The following PTPRD variants were observed in gnomAD, a reference collection of about 807,000 sequenced individuals.
PTPRD encodes the protein protein tyrosine phosphatase receptor type D.
Under a neutral mutation model 214.5 loss-of-function variants are expected in PTPRD, and 34 were observed. The ratio of observed to expected loss-of-function variants is 0.16; its 90% CI spans 0.12 to 0.21. The LOEUF (loss-of-function observed/expected upper bound fraction) is 0.21, where lower values mean the gene tolerates loss of function less well. PTPRD is among the 10% of genes least tolerant of loss of function. PTPRD has a pLI of 1.00. For synonymous variants in PTPRD, 1,128 were observed against 845.7 expected (o/e 1.33, Z -5.79); for missense variants, 2,545 against 2,398.7 (o/e 1.06, Z -1.27).
chr9:9,741,333 G>A (rs1319581804), intron 6 of PTPRD, among the ~76,000 whole-genome samples: 1 of 145,138 alleles, frequency 6.9e-6, no homozygotes, highest in African/African-American at 2.7e-5. Flanking sequence ...AGATACACAG[G>A]CAATCAATGA....
At chr9:10,575,536 A>G (rs970369027) in intron 2 of PTPRD, among the ~76,000 whole-genome samples, 1 of 152,230 alleles carries the variant, frequency 6.6e-6, no homozygotes, top group African/African-American at 2.4e-5. Flanking sequence ...AAGCAAAAAA[A>G]GTCTTCTTTT....
At chr9:10,549,713 G>C (rs550033266) in intron 2 of PTPRD, among the ~76,000 whole-genome samples, 1 of 152,250 alleles carries the variant, frequency 6.6e-6, no homozygotes, top group East Asian at 1.9e-4. Context: ...TCTAGGAAAA[G>C]CCATGTGTAC....
chr9:10,487,720 G>A (rs1339820213), intron 2 of PTPRD, among the ~76,000 whole-genome samples: 5 of 151,712 alleles, frequency 3.3e-5, no homozygotes, highest in African/African-American at 1.2e-4. Flanking sequence ...AGGGTGAGGG[G>A]AGGGAACTTA....
chr9:10,208,500 C>A (rs1050089415), intron 3 of PTPRD, among the ~76,000 whole-genome samples: 2 of 152,152 alleles, frequency 1.3e-5, no homozygotes, highest in Non-Finnish European at 2.9e-5. Flanking sequence ...GGCGACAGAG[C>A]GAGACTGCGT....
chr9:10,028,143 GT>G (rs1319163121), intron 4 of PTPRD, among the ~76,000 whole-genome samples: 1 of 152,076 alleles, frequency 6.6e-6, no homozygotes, highest in Non-Finnish European at 1.5e-5. Flanking sequence ...AAGATCTGAT[GT>G]TTTTTAAAAA....
chr9:9,515,841 G>C (rs1295864602), intron 8 of PTPRD, among the ~76,000 whole-genome samples: 2 of 151,784 alleles, frequency 1.3e-5, no homozygotes, highest in African/African-American at 4.8e-5. Flanking sequence ...AATGTTCTTT[G>C]TATGGTAATT....
intron 2 of PTPRD, among the ~76,000 whole-genome samples, chr9:10,468,990 T>C (rs985969007): frequency 6.6e-6 from 1 of 152,090 alleles, no homozygotes; most frequent in Non-Finnish European, 1.5e-5. Flanking sequence ...TTATCCAGAA[T>C]TGTAAATATA....
At chr9:9,749,442 G>T (rs781182096) in intron 6 of PTPRD, among the ~76,000 whole-genome samples, 35 of 152,122 alleles carry the variant, frequency 2.3e-4, no homozygotes, top group Non-Finnish European at 4.6e-4. Context: ...AGGCTCAGGA[G>T]GGGAAGAACA....
At chr9:8,995,673 C>T (rs1385943518) in intron 11 of PTPRD, among the ~76,000 whole-genome samples, 6 of 152,066 alleles carry the variant, frequency 3.9e-5, no homozygotes, top group Non-Finnish European at 8.8e-5. Context: ...ATAGAGAGTG[C>T]CACTGGCTTC....
chr9:10,581,733 A>C (rs1026278193), intron 2 of PTPRD, among the ~76,000 whole-genome samples: 4 of 152,160 alleles, frequency 2.6e-5, no homozygotes, highest in African/African-American at 7.2e-5. Context: ...CCCTCAGTTT[A>C]GTCTCAGCAG....
At chr9:9,187,043 A>G (rs1047159893) in intron 9 of PTPRD, among the ~76,000 whole-genome samples, 1 of 151,934 alleles carries the variant, frequency 6.6e-6, no homozygotes, top group Non-Finnish European at 1.5e-5. Flanking sequence ...GTATTTCAAC[A>G]GAAACACTGA....
chr9:10,416,182 T>C, intron 2 of PTPRD, among the ~76,000 whole-genome samples: 1 of 150,794 alleles, frequency 6.6e-6, no homozygotes. Flanking sequence ...ACCCCACCTC[T>C]ACTAAAAAAA....
chr9:8,319,395 C>T (rs1825046676), intron 45 of PTPRD, among the ~76,000 whole-genome samples: 2 of 151,754 alleles, frequency 1.3e-5, no homozygotes, highest in African/African-American at 4.8e-5. Flanking sequence ...TTTGAATGGC[C>T]ATTGTTAAGA....
chr9:9,543,573 A>AT (rs1337573290), intron 8 of PTPRD, among the ~76,000 whole-genome samples: 1 of 151,610 alleles, frequency 6.6e-6, no homozygotes, highest in African/African-American at 2.4e-5. Context: ...TTAATGATAG[A>AT]TTTTTTGGTG....
rs142485234 is a variant in PTPRD, at chr9:9,686,631, G to C, written c.-287+47902C>G. Among the ~76,000 whole-genome samples the C allele has an allele frequency of 3.7e-3, 557 of 151,640 alleles. 4 individuals are homozygous for C. Among genetic ancestry groups the C allele is most frequent in the African/African-American group, 0.013 (525 of 41,464 alleles). Reference sequence around the variant, plus strand: ...CTACATAAATTTTATCTAGAAATTGGTGTTGATTTGGTAACAATTTATCAA... The same window carrying C: ...CTACATAAATTTTATCTAGAAATTGCTGTTGATTTGGTAACAATTTATCAA... On this transcript the variant is annotated intron_variant, in intron 7 of 45. Transcript: ENST00000381196.
chr9:8,791,209 A>G (rs2096218138), intron 11 of PTPRD, among the ~76,000 whole-genome samples: 1 of 151,932 alleles, frequency 6.6e-6, no homozygotes, highest in Non-Finnish European at 1.5e-5. Context: ...GCAGAGGAGA[A>G]GACAATTTTT....
chr9:10,404,742 T>C lies in PTPRD; in HGVS notation c.-599-63725A>G, dbSNP rs1301724672. Reference sequence around the variant, plus strand: ...CTTAATAACAGGACATTTTTATACCTGCAAGTAGAGAAAGCTCTATAGTTC... The same window carrying C: ...CTTAATAACAGGACATTTTTATACCCGCAAGTAGAGAAAGCTCTATAGTTC... On this transcript the variant is annotated intron_variant, in intron 2 of 45. Transcript: ENST00000381196. Among the ~76,000 whole-genome samples the C allele has an allele frequency of 2.9e-4, 14 of 48,718 alleles. 6 individuals are homozygous for C. Among genetic ancestry groups the C allele is most frequent in the African/African-American group, 7.0e-4 (14 of 19,932 alleles). The allele number at this position is 48,718 out of a possible 152,430, so 32.0% of individuals were successfully genotyped here.
At chr9:8,828,478 T>C (rs2097217531) in intron 11 of PTPRD, among the ~76,000 whole-genome samples, 1 of 152,184 alleles carries the variant, frequency 6.6e-6, no homozygotes. Context: ...ACCTTGATCT[T>C]GGACTTCTGG....
intron 11 of PTPRD, among the ~76,000 whole-genome samples, chr9:8,762,800 A>G (rs1007265765): frequency 2.0e-5 from 3 of 152,220 alleles, no homozygotes; most frequent in Non-Finnish European, 4.4e-5. Context: ...ACTCAGAGAT[A>G]TAGCTATATA....
Sources: allele counts gnomAD v4.1 joint callset (sites outside exome capture counted in the v4.1 genomes callset), GRCh38; gene constraint gnomAD v4.1.1; transcripts MANE v1.5; gene names NCBI Gene and HGNC (gene_info 2026-07-23, HGNC 2026-07-21).